OPCML: variants seen among roughly 807,000 people sequenced by gnomAD.
OPCML encodes opioid-binding protein/cell adhesion molecule.
In OPCML, 13 loss-of-function variants were observed where a neutral mutation model predicts 37.8. The observed-to-expected ratio is 0.34, with a 90% CI of 0.22 to 0.55. OPCML has a LOEUF of 0.55. Ranked by LOEUF, OPCML falls within the 20% of genes least tolerant of loss-of-function variation. OPCML has a pLI of 0.91. For missense variants in OPCML, 341 were observed against 435.6 expected (o/e 0.78, Z 1.93); for synonymous variants, 176 against 168.8 (o/e 1.04, Z -0.33).
chr11:132,517,405 C>G (rs1380559935), intron 4 of OPCML, among the ~76,000 whole-genome samples: 1 of 152,130 alleles, frequency 6.6e-6, no homozygotes. Flanking sequence ...AGGAAACAAA[C>G]CTTTCTAAGA....
rs538684729 is a variant in OPCML at position 132,454,836 on chromosome 11, C to A, written c.506-17477G>T. On this transcript the variant is annotated intron_variant, in intron 4 of 7. Transcript: ENST00000524381. ...TATCTGCACACAGCCAGTATGCACA[C>A]CCCCTAGAAGGGATGTGATTTTCAG... Among the ~76,000 whole-genome samples the A allele has an allele frequency of 5.9e-5, 9 of 152,284 alleles. No homozygotes were observed. In the South Asian group the frequency reaches 1.0e-3, roughly 18 times the overall value.
chr11:133,463,828 T>C (rs1031330227), intron 1 of OPCML, among the ~76,000 whole-genome samples: 1 of 152,180 alleles, frequency 6.6e-6, no homozygotes, highest in African/African-American at 2.4e-5. Flanking sequence ...CTTAAAATTA[T>C]GCAAATTACA....
At chr11:132,502,496 T>TCCTTGCACC (rs1056575677) in intron 4 of OPCML, among the ~76,000 whole-genome samples, 21 of 152,302 alleles carry the variant, frequency 1.4e-4, no homozygotes, top group African/African-American at 4.6e-4. Context: ...GCTCCTGCTC[T>TCCTTGCACC]CCTTGCACCC....
chr11:132,516,443 G>A (rs1224570213), intron 4 of OPCML, among the ~76,000 whole-genome samples: 2 of 152,020 alleles, frequency 1.3e-5, no homozygotes, highest in Non-Finnish European at 2.9e-5. Context: ...CTACAGGATC[G>A]ATATACGATG....
chr11:132,935,975 C>T (rs755151144), intron 2 of OPCML, among the ~76,000 whole-genome samples: 21 of 152,162 alleles, frequency 1.4e-4, no homozygotes, highest in Admixed American at 3.9e-4. Context: ...AGGGCAGGTT[C>T]AAAGCCATGA....
At chr11:132,822,749 A>T (rs1301901142) in intron 2 of OPCML, among the ~76,000 whole-genome samples, 1 of 152,210 alleles carries the variant, frequency 6.6e-6, no homozygotes, top group African/African-American at 2.4e-5. Context: ...GCATATGTTC[A>T]CACCCACAGC....
chr11:133,013,715 G>T (rs1282947832), intron 1 of OPCML, among the ~76,000 whole-genome samples: 1 of 152,182 alleles, frequency 6.6e-6, no homozygotes, highest in East Asian at 1.9e-4. Flanking sequence ...GTAAGTGAAG[G>T]AGAGCCCTGT....
At chr11:132,606,734 T>C (rs1019524966) in intron 3 of OPCML, among the ~76,000 whole-genome samples, 1 of 152,046 alleles carries the variant, frequency 6.6e-6, no homozygotes, top group Non-Finnish European at 1.5e-5. Context: ...AGTTAGGAGA[T>C]GGCGAAAAAG....
At chr11:133,147,558 G>T (rs537235405) in intron 1 of OPCML, among the ~76,000 whole-genome samples, 45 of 152,220 alleles carry the variant, frequency 3.0e-4, no homozygotes, top group African/African-American at 1.1e-3. Context: ...ATAAAATGGG[G>T]ATAAGAATGC....
At chr11:132,884,103 C>T (rs1274690312) in intron 2 of OPCML, among the ~76,000 whole-genome samples, 1 of 152,130 alleles carries the variant, frequency 6.6e-6, no homozygotes, top group East Asian at 1.9e-4. Flanking sequence ...GAGATTATAG[C>T]TGGGGTTATC....
At chr11:132,703,213 T>A (rs1299355053) in intron 2 of OPCML, among the ~76,000 whole-genome samples, 1 of 152,200 alleles carries the variant, frequency 6.6e-6, no homozygotes, top group Non-Finnish European at 1.5e-5. Flanking sequence ...ATATGGTATA[T>A]AGTCTATTGC....
At chr11:132,619,810 C>T (rs1172060106) in intron 3 of OPCML, among the ~76,000 whole-genome samples, 1 of 141,556 alleles carries the variant, frequency 7.1e-6, no homozygotes, top group Non-Finnish European at 1.5e-5. Flanking sequence ...GGAGATCTCG[C>T]TACTGCACTC....
At chr11:132,681,722 G>A (rs1360560139) in intron 2 of OPCML, among the ~76,000 whole-genome samples, 3 of 152,102 alleles carry the variant, frequency 2.0e-5, no homozygotes, top group Non-Finnish European at 4.4e-5. Flanking sequence ...TTGGGAGGCC[G>A]AGGTGGGCAG....
chr11:132,657,198 G>A lies in OPCML; in HGVS notation c.268C>T (p.Gln90Ter). The A allele has an allele frequency of 6.2e-7, 1 of 1,614,258 alleles. No individual in the cohort carries two copies. The highest frequency in any genetic ancestry group is 8.5e-7 in the Non-Finnish European group (1 of 1,180,050). The change falls in exon 3 of 8, where the codon CAG becomes TAG. Residue 90 changes from glutamine to a stop codon, truncating the protein, a stop_gained. Coordinates refer to ENST00000524381, the MANE Select transcript of OPCML (RefSeq NM_001012393.5). LOFTEE classifies it high-confidence loss of function. The stretch of plus-strand genomic sequence containing the variant: ...ACATTTTGGATCATGATGCTGTACT[G>A]GGTTGGTGTATTGACCAGGATGATC... ...RVIILVNTPT[Q>*]YSIMIQNVDV...
intron 2 of OPCML, among the ~76,000 whole-genome samples, chr11:132,731,376 C>T (rs185794517): frequency 6.6e-6 from 1 of 152,238 alleles, no homozygotes; most frequent in East Asian, 1.9e-4. Context: ...TGATGCCAAT[C>T]CAAGTCAACC....
chr11:133,160,338 C>T (rs1200425144), intron 1 of OPCML, among the ~76,000 whole-genome samples: 1 of 152,196 alleles, frequency 6.6e-6, no homozygotes. Flanking sequence ...TGCAGGCGTT[C>T]ATGTGACACT....
rs61121084 is a variant in OPCML, at chr11:133,483,795, TGATA to T, written c.61+48465_61+48468del. Among the ~76,000 whole-genome samples, 782 of 132,422 alleles carry T rather than the reference TGATA, an allele frequency of 5.9e-3. 3 individuals are homozygous for T. Among genetic ancestry groups the T allele is most frequent in the East Asian group, 0.01 (46 of 4,482 alleles). 86.9% of individuals were successfully genotyped at this position (132,422 alleles called of 152,430 possible). On this transcript the variant is annotated intron_variant, in intron 1 of 7. Coordinates refer to ENST00000524381, the MANE Select transcript of OPCML (RefSeq NM_001012393.5). ...ATTTATAGATGGATAGATACATAGA[TGATA>T]GATAGATAGATAGATAGATAGATAG... is the stretch of plus-strand genomic sequence containing the variant.
In OPCML at chr11:132,435,887, CATGAAATATCA is replaced by C. The variant is rs144187549; in HGVS notation, c.916+188_916+198del. ...AGGGCAAACTTTGCCTTTTAATGACCATGAAATATCAATTACTGTGTAACTATCTCTGCATG... is the reference window on the plus strand; with the variant it reads ...AGGGCAAACTTTGCCTTTTAATGACCATTACTGTGTAACTATCTCTGCATG... On this transcript the variant is annotated intron_variant, in intron 7 of 7. Coordinates refer to ENST00000524381, the MANE Select transcript of OPCML (RefSeq NM_001012393.5). Among the ~76,000 whole-genome samples, 1,172 of 152,286 alleles carry C rather than the reference CATGAAATATCA, an allele frequency of 7.7e-3. 11 individuals are homozygous for C. Among genetic ancestry groups the C allele is most frequent in the African/African-American group, 0.026 (1,098 of 41,550 alleles).
At chr11:133,083,495 G>A (rs1197217580) in intron 1 of OPCML, among the ~76,000 whole-genome samples, 1 of 152,212 alleles carries the variant, frequency 6.6e-6, no homozygotes, top group African/African-American at 2.4e-5. Context: ...GCCCCGGAAG[G>A]CTCGGCCCAT....
Sources: gnomAD v4.1 joint callset for allele counts (sites outside exome capture counted in the v4.1 genomes callset) on GRCh38, gnomAD v4.1.1 for gene constraint, MANE v1.5 for transcripts, NCBI Gene and HGNC (gene_info 2026-07-23, HGNC 2026-07-21) for gene names.